The following ANKAR variants were observed in gnomAD, a reference collection of about 807,000 sequenced individuals.
ANKAR encodes ankyrin and armadillo repeat-containing protein.
A neutral mutation model predicts 146.2 loss-of-function variants in ANKAR; 136 were observed. The observed-to-expected ratio is 0.93, with a 90% confidence interval of 0.81 to 1.07. The LOEUF (loss-of-function observed/expected upper bound fraction) is 1.07, where lower values mean the gene tolerates loss of function less well. ANKAR is among the 50% of genes least tolerant of loss of function. The pLI, the probability that ANKAR is intolerant of heterozygous loss-of-function variation, is 0.00. For synonymous variants in ANKAR, 500 were observed against 575.8 expected (o/e 0.87, Z 1.88); for missense variants, 1,567 against 1,679.9 (o/e 0.93, Z 1.18).
At chr2:189,721,987 T>G (rs897592242) in intron 12 of ANKAR, among the ~76,000 whole-genome samples, 3 of 152,122 alleles carry the variant, frequency 2.0e-5, no homozygotes, top group African/African-American at 7.2e-5. Flanking sequence ...CATAACAAAT[T>G]CCTTATGCTC....
At chr2:189,709,237 T>C (rs2039374434) in intron 9 of ANKAR, among the ~76,000 whole-genome samples, 1 of 152,194 alleles carries the variant, frequency 6.6e-6, no homozygotes, top group African/African-American at 2.4e-5. Flanking sequence ...GCTATAAATA[T>C]GGAGAAAGGG....
At chr2:189,685,666 C>T (rs1167864131) in intron 2 of ANKAR, among the ~76,000 whole-genome samples, 1 of 152,160 alleles carries the variant, frequency 6.6e-6, no homozygotes, top group South Asian at 2.1e-4. Context: ...GAACCCCTGA[C>T]ATTCCACTGG....
chr2:189,714,460 C>T (rs1287649806), intron 10 of ANKAR, among the ~76,000 whole-genome samples: 1 of 152,218 alleles, frequency 6.6e-6, no homozygotes, highest in Non-Finnish European at 1.5e-5. Flanking sequence ...AAGAAACTCA[C>T]TCAAAACCAC....
chr2:189,729,599 GATA>G (rs1405347392), intron 15 of ANKAR, among the ~76,000 whole-genome samples: 2 of 150,036 alleles, frequency 1.3e-5, no homozygotes, highest in Non-Finnish European at 3.0e-5. Context: ...TCTAGTAAAT[GATA>G]ATATATATGC....
chr2:189,699,094 G>GA (rs2037685204), intron 7 of ANKAR, among the ~76,000 whole-genome samples: 1 of 152,160 alleles, frequency 6.6e-6, no homozygotes, highest in East Asian at 1.9e-4. Context: ...CTAACACCCA[G>GA]AAAAACGCTT....
chr2:189,755,405 A>G lies in ANKAR; in HGVS notation c.*585-5693A>G. ...CAGCTGTAAGCTAAATGATAAGCCCACTCCCAGGCTTAAAGCAAGTCCTGG... is the reference window on the plus strand; with the variant it reads ...CAGCTGTAAGCTAAATGATAAGCCCGCTCCCAGGCTTAAAGCAAGTCCTGG... On this transcript the variant is annotated intron_variant and NMD_transcript_variant, in intron 18 of 18. Coordinates refer to the ANKAR transcript ENST00000441800. 6.2e-7 allele frequency: 1 copy of G among 1,611,342 alleles called. No homozygotes were observed. Among genetic ancestry groups the G allele is most frequent in the Non-Finnish European group, 8.5e-7 (1 of 1,179,280 alleles).
intron 2 of ANKAR, among the ~76,000 whole-genome samples, chr2:189,679,574 G>C (rs1389972130): frequency 6.6e-6 from 1 of 152,116 alleles, no homozygotes; most frequent in African/African-American, 2.4e-5. Flanking sequence ...GTGTTTTCCT[G>C]TTCAGTATAA....
At chr2:189,760,880 CA>C (rs2046950741) in intron 18 of ANKAR, among the ~76,000 whole-genome samples, 1 of 152,156 alleles carries the variant, frequency 6.6e-6, no homozygotes, top group Non-Finnish European at 1.5e-5. Flanking sequence ...TCCCACATGA[CA>C]ACTGGCTAGA....
At chr2:189,744,849 A>G in intron 22 of ANKAR, 61 bp downstream of exon 22, 4 of 1,323,488 alleles carry the variant, frequency 3.0e-6, no homozygotes, top group Non-Finnish European at 3.2e-6. Flanking sequence ...ATAATTCTGT[A>G]TTCCATCTCT....
chr2:189,675,365 TTTTC>T (rs911684869), intron 1 of ANKAR, among the ~76,000 whole-genome samples: 13 of 152,020 alleles, frequency 8.6e-5, no homozygotes, highest in African/African-American at 3.1e-4. Flanking sequence ...GCTTCTTTCC[TTTTC>T]TTTTTCTTTT....
chr2:189,713,781 A>G (rs2040027456), intron 10 of ANKAR, among the ~76,000 whole-genome samples: 1 of 152,250 alleles, frequency 6.6e-6, no homozygotes. Context: ...TTAAATGTAA[A>G]TGGGCTAAAT....
At chr2:189,744,698 T>G in intron 21 of ANKAR, 44 bp from the exon 22 acceptor site, 2 of 1,433,534 alleles carry the variant, frequency 1.4e-6, no homozygotes. Flanking sequence ...TCTGGGTGCA[T>G]TATGTCTTCA....
intron 19 of ANKAR, 49 bp downstream of exon 19, chr2:189,738,731 A>G: frequency 1.7e-6 from 2 of 1,201,514 alleles, no homozygotes; most frequent in Non-Finnish European, 2.4e-6. Flanking sequence ...CTATTTTCAA[A>G]AACAGTTTAT....
At chr2:189,696,010 T>G in intron 6 of ANKAR, 140 bp from the exon 7 acceptor site, 2 of 668,298 alleles carry the variant, frequency 3.0e-6, no homozygotes, top group Non-Finnish European at 2.5e-6. Flanking sequence ...TAAGAAACTT[T>G]CCATGCATGG....
intron 1 of ANKAR, among the ~76,000 whole-genome samples, chr2:189,675,309 G>A (rs79728600): frequency 0.052 from 7,933 of 152,130 alleles, 245 homozygotes; most frequent in African/African-American, 0.079. Flanking sequence ...ATTATTTCAG[G>A]AATAGACAGG....
At chr2:189,720,260 T>C (rs544983620) in intron 11 of ANKAR, among the ~76,000 whole-genome samples, 1 of 152,216 alleles carries the variant, frequency 6.6e-6, no homozygotes, top group South Asian at 2.1e-4. Flanking sequence ...TTTTTTTCTT[T>C]TTTTTTTTGA....
At chr2:189,742,106 A>T (rs1318639739) in intron 20 of ANKAR, among the ~76,000 whole-genome samples, 1 of 152,140 alleles carries the variant, frequency 6.6e-6, no homozygotes, top group Non-Finnish European at 1.5e-5. Context: ...TCTTCCACTA[A>T]GGTCTAAAGC....
intron 19 of ANKAR, among the ~76,000 whole-genome samples, chr2:189,740,850 C>T (rs895844283): frequency 2.6e-5 from 4 of 152,020 alleles, no homozygotes; most frequent in Non-Finnish European, 5.9e-5. Flanking sequence ...TGTACCACCA[C>T]GCCCGGCTAA....
At chr2:189,762,770 C>G (rs945290599), downstream of ANKAR, 5 of 985,498 alleles carry the variant, frequency 5.1e-6, no homozygotes, top group Non-Finnish European at 6.0e-6. Context: ...GGAGAAAGCC[C>G]GAACCTGGCG....
Sources: gnomAD v4.1 joint callset for allele counts (sites outside exome capture counted in the v4.1 genomes callset) on GRCh38, gnomAD v4.1.1 for gene constraint, MANE v1.5 for transcripts, NCBI Gene and HGNC (gene_info 2026-07-23, HGNC 2026-07-21) for gene names.